The following EPS8 variants were observed in gnomAD, a reference collection of about 807,000 sequenced individuals.
The protein encoded by EPS8 is epidermal growth factor receptor kinase substrate 8.
Under a neutral mutation model 103.8 loss-of-function variants are expected in EPS8, and 42 were observed. The observed-to-expected ratio is 0.40, with a 90% CI of 0.32 to 0.52. The LOEUF (loss-of-function observed/expected upper bound fraction) is 0.52, where lower values mean the gene tolerates loss of function less well. EPS8 is among the 20% of genes least tolerant of loss of function. The probability of loss-of-function intolerance (pLI) is 0.40; values close to 1 mark genes in which losing one functional copy is unlikely to be tolerated. For synonymous variants in EPS8, 344 were observed against 344.6 expected, an observed-to-expected ratio of 1.00 and a Z score of 0.02; for missense variants, 969 against 1,005.1, an observed-to-expected ratio of 0.96 and a Z score of 0.49.
chr12:15,651,608 T>G (rs1326600196), intron 13 of EPS8, among the ~76,000 whole-genome samples: 1 of 152,218 alleles, frequency 6.6e-6, no homozygotes, highest in Non-Finnish European at 1.5e-5. Context: ...TATGGGTTCA[T>G]CATTTAATGA....
At chr12:15,694,622 C>A (rs1227809283) in intron 1 of EPS8, among the ~76,000 whole-genome samples, 1 of 152,060 alleles carries the variant, frequency 6.6e-6, no homozygotes. Flanking sequence ...CAGCTGGGAA[C>A]AAATTATTCG....
At chr12:15,678,171 TA>T (rs113202435) in intron 3 of EPS8, among the ~76,000 whole-genome samples, 74 of 151,332 alleles carry the variant, frequency 4.9e-4, no homozygotes, top group Non-Finnish European at 2.5e-4. Context: ...CAAAGCTACC[TA>T]AAAAAAAACT....
chr12:15,624,479 C>T, intron 18 of EPS8, 72 bp from the exon 19 acceptor site: 1 of 1,190,460 alleles, frequency 8.4e-7, no homozygotes, highest in Non-Finnish European at 1.2e-6. Context: ...GAACCCCAAT[C>T]TCTATAATCC....
chr12:15,705,625 TTAAAG>T (rs1200559614), intron 1 of EPS8, among the ~76,000 whole-genome samples: 1 of 152,222 alleles, frequency 6.6e-6, no homozygotes, highest in Non-Finnish European at 1.5e-5. Context: ...ATGATGCTAA[TTAAAG>T]TACTTAACAC....
chr12:15,758,028 A>G (rs897900654), intron 1 of EPS8, among the ~76,000 whole-genome samples: 48 of 152,298 alleles, frequency 3.2e-4, no homozygotes, highest in African/African-American at 1.1e-3. Flanking sequence ...GGAGTTGTGT[A>G]ACATCTTCAC....
rs768085496 is a variant in EPS8, at chr12:15,681,222, C to T, written c.136+4G>A. The T allele has an allele frequency of 9.2e-6, 14 of 1,514,712 alleles. No homozygotes were observed. Among genetic ancestry groups the T allele is most frequent in the Admixed American group, 1.9e-5 (1 of 52,378 alleles). 93.8% of individuals were successfully genotyped at this position (1,514,712 alleles called of 1,614,324 possible). Reference sequence around the variant, plus strand: ...ATTATACCCTATCAAATAAACAAACCTACCATAAAGGGCCTTTGCACTTGT... The same window carrying T: ...ATTATACCCTATCAAATAAACAAACTTACCATAAAGGGCCTTTGCACTTGT... On this transcript the variant is annotated splice_donor_region_variant and intron_variant, in intron 3 of 20. Transcript: ENST00000281172.
intron 14 of EPS8, among the ~76,000 whole-genome samples, chr12:15,648,290 G>C (rs1000404274): frequency 1.3e-5 from 2 of 152,218 alleles, no homozygotes; most frequent in African/African-American, 4.8e-5. Context: ...AAGCATGATA[G>C]ACACTGAAGC....
intron 1 of EPS8, among the ~76,000 whole-genome samples, chr12:15,746,832 C>T (rs935276144): frequency 3.9e-5 from 6 of 152,138 alleles, no homozygotes; most frequent in Non-Finnish European, 7.4e-5. Flanking sequence ...AACTCATCTA[C>T]AAGCATCCCC....
intron 1 of EPS8, among the ~76,000 whole-genome samples, chr12:15,746,841 C>T (rs1053620724): frequency 6.6e-6 from 1 of 152,124 alleles, no homozygotes; most frequent in Non-Finnish European, 1.5e-5. Context: ...ACAAGCATCC[C>T]CCTAAGCATA....
rs1195989979 is a variant in EPS8, at chr12:15,706,634, T to C, written c.-21-23662A>G. Among the ~76,000 whole-genome samples, 2 of 152,252 alleles carry C rather than the reference T, an allele frequency of 1.3e-5. No homozygotes were observed. Among genetic ancestry groups the C allele is most frequent in the Non-Finnish European group, 2.9e-5 (2 of 68,038 alleles). Reference sequence around the variant, plus strand: ...TATTGAAGCAAAACACACTTTTGTATTTTGCATTTTCTTTCAAAAACATCT... The same window carrying C: ...TATTGAAGCAAAACACACTTTTGTACTTTGCATTTTCTTTCAAAAACATCT... On this transcript the variant is annotated intron_variant, in intron 1 of 20. Transcript: ENST00000281172. The surrounding 1 kb of genome is among the most constrained non-coding windows in gnomAD (Gnocchi z 5.2).
At chr12:15,679,357 C>T (rs1262687260) in intron 3 of EPS8, among the ~76,000 whole-genome samples, 1 of 152,118 alleles carries the variant, frequency 6.6e-6, no homozygotes, top group Middle Eastern at 3.2e-3. Flanking sequence ...AGTCTTATTT[C>T]CCAATGCACC....
rs923944069 is a variant in EPS8, at chr12:15,785,252, G to T, written c.-22+3909C>A. ...AAAGGTGCTTAGCTGACTAACTCTA[G>T]AAATGAGTAGAAGCTGTGAGACTAA... On this transcript the variant is annotated intron_variant, in intron 1 of 20. Coordinates refer to ENST00000281172, the MANE Select transcript of EPS8 (RefSeq NM_004447.6). This position sits in a 1 kb window ranked among gnomAD's most constrained non-coding sequence, Gnocchi z 4.9. 2.0e-5 allele frequency among the ~76,000 whole-genome samples: 3 copies of T among 152,130 alleles called. No individual in the cohort carries two copies. The highest frequency in any genetic ancestry group is 7.2e-5 in the African/African-American group (3 of 41,456).
Position 15,670,864 on chromosome 12 carries a change from G to A in EPS8, c.196C>T (p.Arg66Cys), listed in dbSNP as rs201999344. The change falls in exon 4 of 21, where the codon CGT becomes TGT. Residue 66 changes from arginine (R) to cysteine (C), a missense_variant. Transcript: ENST00000281172. ...VSSVSDISQY[R>C]VEHLTTFVLD... ...ACACCAAAGCATCTTACTTCAACACGGTATTGAGATATATCTGACACACTG... is the reference window on the plus strand; with the variant it reads ...ACACCAAAGCATCTTACTTCAACACAGTATTGAGATATATCTGACACACTG... 22 of 1,606,554 alleles carry A rather than the reference G, an allele frequency of 1.4e-5. No individual in the cohort carries two copies. In the East Asian group the frequency reaches 1.6e-4, roughly 11 times the overall value.
At chr12:15,689,359 C>A (rs1465541490) in intron 1 of EPS8, among the ~76,000 whole-genome samples, 2 of 151,894 alleles carry the variant, frequency 1.3e-5, no homozygotes, top group African/African-American at 4.8e-5. Flanking sequence ...TTTTCCATAA[C>A]AGCACCACAT....
intron 3 of EPS8, among the ~76,000 whole-genome samples, chr12:15,676,114 T>C (rs915722854): frequency 6.6e-6 from 1 of 151,172 alleles, no homozygotes; most frequent in Non-Finnish European, 1.5e-5. Context: ...CTATTAAAAA[T>C]ACAAAAAAAT....
chr12:15,646,489 A>C (rs1945321566), intron 15 of EPS8, among the ~76,000 whole-genome samples: 1 of 151,442 alleles, frequency 6.6e-6, no homozygotes, highest in Non-Finnish European at 1.5e-5. Flanking sequence ...GATCTCATTT[A>C]CTAAAAACAA....
rs569475459 is a variant in EPS8, at chr12:15,681,137, A to G, written c.136+89T>C. The G allele has an allele frequency of 2.5e-4, 130 of 515,184 alleles. 2 individuals carry two copies. In the East Asian group the frequency reaches 4.5e-3, roughly 18 times the overall value. 31.9% of individuals were successfully genotyped at this position (515,184 alleles called of 1,614,324 possible). On this transcript the variant is annotated intron_variant, in intron 3 of 20. Coordinates refer to ENST00000281172, the MANE Select transcript of EPS8 (RefSeq NM_004447.6). ...ACTGCCTCATTCCAAACAATATTAA[A>G]TGTGTGGGTTCAAACCATGAGTTTG...
In EPS8 at chr12:15,747,686, T is replaced by A. The variant is rs1016428036; in HGVS notation, c.-22+41475A>T. Reference sequence around the variant, plus strand: ...TTATCCTATTCTCCAGAATCTTCAGTGACTTGATTTCAATATAAAACAGGA... The same window carrying A: ...TTATCCTATTCTCCAGAATCTTCAGAGACTTGATTTCAATATAAAACAGGA... On this transcript the variant is annotated intron_variant, in intron 1 of 20. Coordinates refer to ENST00000281172, the MANE Select transcript of EPS8 (RefSeq NM_004447.6). This position sits in a 1 kb window ranked among gnomAD's most constrained non-coding sequence, Gnocchi z 4.4. Among the ~76,000 whole-genome samples, 1 of 152,108 alleles carries A rather than the reference T, an allele frequency of 6.6e-6. No homozygotes were observed. Among genetic ancestry groups the A allele is most frequent in the Non-Finnish European group, 1.5e-5 (1 of 68,024 alleles).
intron 1 of EPS8, among the ~76,000 whole-genome samples, chr12:15,715,386 TTA>T (rs1451720743): frequency 2.2e-5 from 1 of 45,290 alleles, no homozygotes; most frequent in Non-Finnish European, 8.5e-5. Flanking sequence ...TTTTTTTTCT[TTA>T]CTTTTCTTTT....
Sources: allele counts gnomAD v4.1 joint callset (sites outside exome capture counted in the v4.1 genomes callset), GRCh38; gene constraint gnomAD v4.1.1; non-coding constraint Gnocchi (gnomAD v3.1); transcripts MANE v1.5; gene names NCBI Gene and HGNC (gene_info 2026-07-23, HGNC 2026-07-21).